COPB1: variants seen among roughly 807,000 people sequenced by gnomAD.
COPB1 encodes coatomer subunit beta.
A neutral mutation model predicts 108.7 loss-of-function variants in COPB1; 21 were observed. The observed-to-expected ratio is 0.19, with a 90% CI of 0.14 to 0.28. COPB1 has a LOEUF of 0.28. Among genes scored for constraint, COPB1 ranks in the 10% least tolerant of loss-of-function variants. The pLI is 1.00. For synonymous variants in COPB1, 378 were observed against 386.8 expected, an observed-to-expected ratio of 0.98 and a Z score of 0.27; for missense variants, 919 against 1,141.3, an observed-to-expected ratio of 0.81 and a Z score of 2.81.
intron 10 of COPB1, among the ~76,000 whole-genome samples, chr11:14,480,083 C>T (rs1850628720): frequency 6.6e-6 from 1 of 152,202 alleles, no homozygotes; most frequent in African/African-American, 2.4e-5. Context: ...GAATTACAGA[C>T]ATGAAGTGCC....
rs1017970223 is a variant in COPB1, at chr11:14,488,589, A to G, written c.607-5T>C. On this transcript the variant is annotated splice_polypyrimidine_tract_variant and splice_region_variant and intron_variant, in intron 5 of 21. Transcript: ENST00000439561. ...TAAGTAATCCAAAGCTCGATCCTAAAAAAAATAAGAATATATTTATCATTC... is the reference window on the plus strand; with the variant it reads ...TAAGTAATCCAAAGCTCGATCCTAAGAAAAATAAGAATATATTTATCATTC... The G allele has an allele frequency of 7.6e-6, 12 of 1,579,946 alleles. No homozygotes were observed. The highest frequency in any genetic ancestry group is 1.7e-4 in the Middle Eastern group (1 of 5,864).
chr11:14,477,996 C>T (rs1850565991), intron 11 of COPB1, among the ~76,000 whole-genome samples: 1 of 149,658 alleles, frequency 6.7e-6, no homozygotes, highest in African/African-American at 2.5e-5. Flanking sequence ...ACAGAGCAAG[C>T]TTCTGTCTCA....
chr11:14,496,532 A>G (rs954332076), intron 2 of COPB1, among the ~76,000 whole-genome samples: 2 of 152,178 alleles, frequency 1.3e-5, no homozygotes, highest in Non-Finnish European at 2.9e-5. Context: ...AACTATAAAT[A>G]CTGATGAAAG....
chr11:14,467,278 C>A (rs554711290), intron 16 of COPB1, among the ~76,000 whole-genome samples: 3 of 151,868 alleles, frequency 2.0e-5, no homozygotes, highest in Admixed American at 2.0e-4. Flanking sequence ...CCAATAAGCA[C>A]GTGAAAAGAC....
rs183955812 is a variant in COPB1 at position 14,483,392 on chromosome 11, A to C, written c.838-241T>G. 3.2e-3 allele frequency among the ~76,000 whole-genome samples: 491 copies of C among 152,214 alleles called. 2 individuals carry two copies. Among genetic ancestry groups the C allele is most frequent in the Admixed American group, 0.014 (220 of 15,264 alleles). ...ACTTACAGAAGATTAGAGGCATTACAAATTAAAAGGATGAAAAAAAGCTGC... is the reference window on the plus strand; with the variant it reads ...ACTTACAGAAGATTAGAGGCATTACCAATTAAAAGGATGAAAAAAAGCTGC... On this transcript the variant is annotated intron_variant, in intron 7 of 21. Transcript: ENST00000439561.
In COPB1 at chr11:14,474,172, GAGA is replaced by G. The variant is rs1398688199; in HGVS notation, c.1737+320_1737+322del. 14 of 181,844 alleles carry G rather than the reference GAGA, an allele frequency of 7.7e-5. No homozygotes were observed. The South Asian group carries it at 1.7e-3, about 22-fold the overall frequency. The allele number at this position is 181,844 out of a possible 1,614,324, so 11.3% of individuals were successfully genotyped here. On this transcript the variant is annotated intron_variant, in intron 14 of 21. Coordinates refer to ENST00000439561, the MANE Select transcript of COPB1 (RefSeq NM_001144061.2). ...TGACCGAATGGATGCAGATGCTGGA[GAGA>G]AGGACATTTCCTTCACTGGTCCTGA...
At chr11:14,459,175 C>T (rs577151008) in intron 20 of COPB1, among the ~76,000 whole-genome samples, 9 of 152,242 alleles carry the variant, frequency 5.9e-5, no homozygotes, top group African/African-American at 2.2e-4. Context: ...GTGAATTTTA[C>T]TGTGTATTAT....
At chr11:14,487,357 G>A (rs1041709962) in intron 6 of COPB1, among the ~76,000 whole-genome samples, 1 of 152,060 alleles carries the variant, frequency 6.6e-6, no homozygotes, top group African/African-American at 2.4e-5. Flanking sequence ...AACCTCAGTG[G>A]TATCCTAAAC....
chr11:14,497,654 CAG>C (rs1851053076), intron 2 of COPB1, among the ~76,000 whole-genome samples: 2 of 152,068 alleles, frequency 1.3e-5, no homozygotes, highest in Admixed American at 6.6e-5. Context: ...AAACTAAAAA[CAG>C]GGGTACCATA....
chr11:14,457,636 TAAGAC>T lies in COPB1; in HGVS notation c.*183_*187del. 1 of 535,370 alleles carries T rather than the reference TAAGAC, an allele frequency of 1.9e-6. No individual in the cohort carries two copies. Among genetic ancestry groups the T allele is most frequent in the Non-Finnish European group, 3.4e-6 (1 of 293,692 alleles). 33.2% of individuals were successfully genotyped at this position (535,370 alleles called of 1,614,324 possible). ...CTTTGAGGACAGCATTCAGAACTGT[TAAGAC>T]AAAAGACAAACTATAATTTTAAACT... On this transcript the variant is annotated 3_prime_UTR_variant, in exon 22 of 22. Coordinates refer to ENST00000439561, the MANE Select transcript of COPB1 (RefSeq NM_001144061.2).
Position 14,472,774 on chromosome 11 carries a change from A to C in COPB1, c.1737+1721T>G, listed in dbSNP as rs563628566. Among the ~76,000 whole-genome samples, 6 of 152,260 alleles carry C rather than the reference A, an allele frequency of 3.9e-5. No homozygotes were observed. The East Asian group carries it at 1.2e-3, about 29-fold the overall frequency. On this transcript the variant is annotated intron_variant, in intron 14 of 21. Coordinates refer to ENST00000439561, the MANE Select transcript of COPB1 (RefSeq NM_001144061.2). ...ATTATGAAGACGGGCTTATTTCCTT[A>C]AACCTCATGAATCAACCTCTGCTAG...
chr11:14,474,662 C>G, intron 13 of COPB1, 47 bp from the exon 14 acceptor site: 1 of 1,605,948 alleles, frequency 6.2e-7, no homozygotes, highest in South Asian at 1.1e-5. Flanking sequence ...TGCTAAGCAG[C>G]ATGCAGCTTC....
At position 14,466,442 on chromosome 11, in the gene COPB1, CA is replaced by C. The variant is rs1850283248; in HGVS notation, c.2146-17del. On this transcript the variant is annotated splice_polypyrimidine_tract_variant and intron_variant, in intron 16 of 21. Coordinates refer to ENST00000439561, the MANE Select transcript of COPB1 (RefSeq NM_001144061.2). ...ATTGGGTGACCTGTCAAAACAAAAA[CA>C]AAGACATAATCAAATGACAGATGCA... is the stretch of plus-strand genomic sequence containing the variant. 2 of 1,604,644 alleles carry C rather than the reference CA, an allele frequency of 1.2e-6. No homozygotes were observed. Among genetic ancestry groups the C allele is most frequent in the African/African-American group, 2.7e-5 (2 of 74,800 alleles).
chr11:14,495,712 T>C (rs1323148256), intron 2 of COPB1, among the ~76,000 whole-genome samples: 1 of 152,196 alleles, frequency 6.6e-6, no homozygotes. Flanking sequence ...AGAGTATGTA[T>C]TTATTTATTG....
Position 14,493,637 on chromosome 11 carries a change from T to C in COPB1, c.491+5A>G, listed in dbSNP as rs751922787. ...GAATGAAGCCAAAGCAGTATCTTTA[T>C]TTACCTATAGATGGTATAGATGGCC... On this transcript the variant is annotated splice_donor_5th_base_variant and intron_variant, in intron 4 of 21. Coordinates refer to ENST00000439561, the MANE Select transcript of COPB1 (RefSeq NM_001144061.2). The C allele has an allele frequency of 6.5e-5, 104 of 1,592,028 alleles. No individual in the cohort carries two copies. Among genetic ancestry groups the C allele is most frequent in the Admixed American group, 2.0e-4 (11 of 55,154 alleles).
intron 12 of COPB1, among the ~76,000 whole-genome samples, chr11:14,476,675 C>G (rs2575838): frequency 0.67 from 100,937 of 151,602 alleles, 33,812 homozygotes; most frequent in African/African-American, 0.71. Flanking sequence ...GTCAGTTTTA[C>G]TGCATAAATA....
chr11:14,480,385 T>G (rs917791085), intron 10 of COPB1, among the ~76,000 whole-genome samples: 1 of 152,172 alleles, frequency 6.6e-6, no homozygotes, highest in Non-Finnish European at 1.5e-5. Flanking sequence ...GACAGCAAAA[T>G]ATTCTACATA....
At chr11:14,487,266 C>T (rs912504973) in intron 6 of COPB1, among the ~76,000 whole-genome samples, 6 of 152,150 alleles carry the variant, frequency 3.9e-5, no homozygotes, top group Non-Finnish European at 5.9e-5. Context: ...ATTACATGGA[C>T]ATGACTTAAA....
At chr11:14,493,920 G>T (rs1404924749) in intron 3 of COPB1, 109 bp from the exon 4 acceptor site, 1 of 986,078 alleles carries the variant, frequency 1.0e-6, no homozygotes, top group Non-Finnish European at 1.4e-6. Context: ...AAAAAACCTA[G>T]ATTACCGACA....
Sources: allele counts gnomAD v4.1 joint callset (sites outside exome capture counted in the v4.1 genomes callset), GRCh38; gene constraint gnomAD v4.1.1; transcripts MANE v1.5; gene names NCBI Gene and HGNC (gene_info 2026-07-23, HGNC 2026-07-21).